Variants in MYOM2 observed in about 807,000 individuals in gnomAD.
MYOM2 encodes myomesin 2, also known as myomesin-2.
A neutral mutation model predicts 187.6 loss-of-function variants in MYOM2; 254 were observed. The observed-to-expected ratio is 1.35, with a 90% confidence interval of 1.22 to 1.50. The LOEUF (loss-of-function observed/expected upper bound fraction) is 1.50. Ranked by LOEUF, MYOM2 falls within the 40% of genes most tolerant of loss-of-function variation. MYOM2 has a pLI of 0.00. For missense variants in MYOM2, 2,796 were observed against 1,924.0 expected (o/e 1.45, Z -8.48); for synonymous variants, 981 against 753.8 (o/e 1.30, Z -4.94).
chr8:2,057,327 G>T (rs1330145007), intron 3 of MYOM2, 21 bp from the exon 4 acceptor site: 1 of 1,586,544 alleles, frequency 6.3e-7, no homozygotes. Flanking sequence ...TGCAACTGAG[G>T]CTGCTTCTCG....
At chr8:2,144,237 A>G (rs1030914034) in intron 36 of MYOM2, among the ~76,000 whole-genome samples, 6 of 151,314 alleles carry the variant, frequency 4.0e-5, no homozygotes, top group South Asian at 2.1e-4. Context: ...TTTGCCTCCA[A>G]TTTACCAGTT....
chr8:2,123,245 C>G lies in MYOM2; in HGVS notation c.3454-7C>G, dbSNP rs944623403. 1 of 1,593,330 alleles carries G rather than the reference C, an allele frequency of 6.3e-7. No homozygotes were observed. The highest frequency in any genetic ancestry group is 8.6e-7 in the Non-Finnish European group (1 of 1,164,286). ...TACACACTAAACTTAAGCTTTCTAC[C>G]TCACAGGTTGCAAACACCAAGAAAG... On this transcript the variant is annotated splice_region_variant and splice_polypyrimidine_tract_variant and intron_variant, in intron 28 of 36. Transcript: ENST00000262113.
Position 2,098,910 on chromosome 8 carries a change from C to G in MYOM2, c.2367C>G (p.Asn789Lys), listed in dbSNP as rs1796588754. The G allele has an allele frequency of 1.2e-6, 2 of 1,613,338 alleles. No individual in the cohort carries two copies. Among genetic ancestry groups the G allele is most frequent in the Non-Finnish European group, 1.7e-6 (2 of 1,179,748 alleles). The change falls in exon 19 of 37, where the codon AAC becomes AAG. Residue 789 changes from asparagine (N) to lysine (K), a missense_variant. By Grantham distance (94) the Asn-to-Lys change is moderately conservative. Transcript: ENST00000262113. ...SLYEFKIAAVNLAGIGEPSDP... is the reference protein window; with the variant it reads ...SLYEFKIAAVKLAGIGEPSDP... The stretch of plus-strand genomic sequence containing the variant: ...ACGAGTTCAAAATCGCCGCCGTCAA[C>G]CTGGCCGGCATCGGGGAGCCCTCAG...
chr8:2,058,869 A>G (rs1400045286), intron 5 of MYOM2, among the ~76,000 whole-genome samples: 1 of 152,186 alleles, frequency 6.6e-6, no homozygotes, highest in African/African-American at 2.4e-5. Context: ...AGTGTTTCTT[A>G]TGGAATGACA....
intron 2 of MYOM2, among the ~76,000 whole-genome samples, chr8:2,051,420 T>C (rs1344034325): frequency 6.6e-6 from 1 of 152,088 alleles, no homozygotes; most frequent in Non-Finnish European, 1.5e-5. Context: ...CCATGGACAC[T>C]GTTTGTGTAG....
At chr8:2,101,984 C>A (rs62478414) in intron 20 of MYOM2, 8,380 of 152,242 alleles carry the variant, frequency 0.055, 659 homozygotes, top group African/African-American at 0.17. Context: ...TTGCCAACTG[C>A]CTTAACCCAG....
chr8:2,133,379 A>G (rs3824168), intron 32 of MYOM2, among the ~76,000 whole-genome samples: 36,437 of 152,046 alleles, frequency 0.24, 4,455 homozygotes, highest in Middle Eastern at 0.31. Context: ...AGAAGAGCTC[A>G]GACACCACAG....
chr8:2,132,090 T>C (rs1458115756), intron 32 of MYOM2, among the ~76,000 whole-genome samples: 1 of 152,206 alleles, frequency 6.6e-6, no homozygotes, highest in Non-Finnish European at 1.5e-5. Flanking sequence ...TCTTATTAGA[T>C]AGCAACTGGA....
intron 1 of MYOM2, among the ~76,000 whole-genome samples, chr8:2,049,146 C>T (rs978346584): frequency 3.3e-5 from 5 of 152,144 alleles, no homozygotes; most frequent in African/African-American, 7.2e-5. Flanking sequence ...GAGTAGAATG[C>T]ATGCTGGTGC....
intron 27 of MYOM2, among the ~76,000 whole-genome samples, chr8:2,117,339 T>C (rs1585935487): frequency 6.6e-6 from 1 of 152,216 alleles, no homozygotes; most frequent in South Asian, 2.1e-4. Context: ...GACTTATTCC[T>C]ACATGTATTT....
intron 6 of MYOM2, among the ~76,000 whole-genome samples, chr8:2,060,073 C>T (rs142136881): frequency 9.2e-5 from 14 of 152,300 alleles, no homozygotes; most frequent in African/African-American, 3.1e-4. Context: ...AAAAGTGAGA[C>T]ACTGCTGTTC....
In MYOM2 at chr8:2,123,569, C is replaced by T. The variant is rs139740725; in HGVS notation, c.3582C>T (p.Asp1194=). ...TTTCTTTGTAGTTGTCAAAGAAGGA[C>T]CACGGTGAATACAAGGCAACCTTGA... The part of the protein sequence containing the change: ...ELLIPKLSKK[D]HGEYKATLKD... Residue 1194 remains aspartate (D), a synonymous_variant, in exon 30 of 37, where the codon GAC becomes GAT. Transcript: ENST00000262113. 6 of 1,613,950 alleles carry T rather than the reference C, an allele frequency of 3.7e-6. No homozygotes were observed. The African/African-American group carries it at 8.0e-5, about 22-fold the overall frequency.
rs192252057 is a variant in MYOM2 at position 2,109,427 on chromosome 8, A to G, written c.3076A>G (p.Ile1026Val). The G allele has an allele frequency of 3.7e-6, 6 of 1,610,902 alleles. No homozygotes were observed. The African/African-American group carries it at 5.4e-5, about 14-fold the overall frequency. ...TCTGAAATCGGAATTAGCTTATGAG[A>G]TTTTTGATAAGGGGCGGGTTCGCTT... is the stretch of plus-strand genomic sequence containing the variant. ...IPLKSELAYE[I>V]FDKGRVRFWL... The change falls in exon 25 of 37, where the codon ATT (isoleucine) becomes GTT (valine). Residue 1026 changes from isoleucine (I) to valine (V), a missense_variant. Ile to Val is a conservative substitution (Grantham distance 29, BLOSUM62 3). Transcript: ENST00000262113.
intron 6 of MYOM2, among the ~76,000 whole-genome samples, chr8:2,065,885 A>G (rs1433746438): frequency 1.3e-5 from 2 of 152,200 alleles, no homozygotes; most frequent in Non-Finnish European, 2.9e-5. Flanking sequence ...ACCACAGTTT[A>G]AAAACGGCTA....
intron 32 of MYOM2, among the ~76,000 whole-genome samples, chr8:2,131,944 A>G (rs1797888949): frequency 6.6e-6 from 1 of 152,152 alleles, no homozygotes; most frequent in Non-Finnish European, 1.5e-5. Flanking sequence ...CAGCCGGCCA[A>G]TAGGCATTTC....
At chr8:2,051,864 G>C (rs137957323) in intron 2 of MYOM2, among the ~76,000 whole-genome samples, 2 of 152,204 alleles carry the variant, frequency 1.3e-5, no homozygotes, top group Admixed American at 1.3e-4. Context: ...GTGTGCACGC[G>C]CTGTGTGTAT....
intron 35 of MYOM2, among the ~76,000 whole-genome samples, chr8:2,142,824 C>T (rs1229147244): frequency 3.3e-5 from 5 of 150,350 alleles, no homozygotes; most frequent in Non-Finnish European, 5.9e-5. Flanking sequence ...GGCATGATCT[C>T]GGCCCATTGC....
chr8:2,137,400 A>T (rs983313953), intron 32 of MYOM2, among the ~76,000 whole-genome samples: 2 of 152,016 alleles, frequency 1.3e-5, no homozygotes, highest in Admixed American at 6.5e-5. Flanking sequence ...CGGGGAGCTC[A>T]TCACAAATCC....
At position 2,140,960 on chromosome 8, in the gene MYOM2, CA is replaced by C. The variant is rs559980981; in HGVS notation, c.3964+76del. On this transcript the variant is annotated intron_variant, in intron 33 of 36. Transcript: ENST00000262113. ...ATTTAGATGCTGAAGGGAGGGAATA[CA>C]ATATGAATACAAGAGACAATATGAA... The C allele has an allele frequency of 3.8e-4, 545 of 1,449,390 alleles. 5 individuals carry two copies. The South Asian group carries it at 7.0e-3, about 19-fold the overall frequency. 89.8% of individuals were successfully genotyped at this position (1,449,390 alleles called of 1,614,324 possible).
Sources: gnomAD v4.1 joint callset for allele counts (sites outside exome capture counted in the v4.1 genomes callset) on GRCh38, gnomAD v4.1.1 for gene constraint, MANE v1.5 for transcripts, NCBI Gene and HGNC (gene_info 2026-07-23, HGNC 2026-07-21) for gene names.